Variants in NMT1 observed in about 807,000 individuals in gnomAD.
NMT1 encodes the protein glycylpeptide N-tetradecanoyltransferase 1.
A neutral mutation model predicts 63.4 loss-of-function variants in NMT1; 12 were observed. That is an observed-to-expected ratio of 0.19 (90% CI 0.12 to 0.31). The LOEUF (loss-of-function observed/expected upper bound fraction) is 0.31, where lower values mean the gene tolerates loss of function less well. Ranked by LOEUF, NMT1 falls within the 10% of genes least tolerant of loss-of-function variation. NMT1 has a pLI of 1.00. For missense variants in NMT1, 432 were observed against 634.6 expected (o/e 0.68, Z 3.43); for synonymous variants, 228 against 234.3 (o/e 0.97, Z 0.25).
At position 45,065,879 on chromosome 17, in the gene NMT1, C is replaced by CT. The variant is rs34320617; in HGVS notation, c.131+4432dup. 2.8e-3 allele frequency among the ~76,000 whole-genome samples: 388 copies of CT among 139,950 alleles called. 5 individuals carry two copies. In the South Asian group the frequency reaches 0.034, roughly 12 times the overall value. 91.8% of individuals were successfully genotyped at this position (139,950 alleles called of 152,430 possible). ...CGAGCTAACCCTTATTCTCCTGGGC[C>CT]TTTTTTTTTTTTTAAAGAGACTGTG... On this transcript the variant is annotated intron_variant, in intron 1 of 11. Transcript: ENST00000258960.
At position 45,063,956 on chromosome 17, in the gene NMT1, G is replaced by A. The variant is rs1267693446; in HGVS notation, c.131+2496G>A. Among the ~76,000 whole-genome samples, 5 of 152,098 alleles carry A rather than the reference G, an allele frequency of 3.3e-5. No individual in the cohort carries two copies. The East Asian group carries it at 9.7e-4, about 29-fold the overall frequency. ...AATCCCATCACTCTGGGAGGCCGAG[G>A]CGGGTGGATCACGAGGTCAAGAGAT... On this transcript the variant is annotated intron_variant, in intron 1 of 11. Coordinates refer to ENST00000258960, the MANE Select transcript of NMT1 (RefSeq NM_021079.5).
At chr17:45,069,703 G>A (rs1290205136) in intron 1 of NMT1, among the ~76,000 whole-genome samples, 1 of 152,082 alleles carries the variant, frequency 6.6e-6, no homozygotes, top group Non-Finnish European at 1.5e-5. Flanking sequence ...GCTGAATTGA[G>A]TTCTGCATCT....
intron 1 of NMT1, among the ~76,000 whole-genome samples, chr17:45,065,573 G>A (rs2053896735): frequency 6.9e-6 from 1 of 144,362 alleles, no homozygotes; most frequent in Non-Finnish European, 1.5e-5. Context: ...GCAGTGAGCC[G>A]AGATTGCGCC....
chr17:45,088,766 A>T (rs989601108), intron 3 of NMT1, among the ~76,000 whole-genome samples: 26 of 124,252 alleles, frequency 2.1e-4, no homozygotes, highest in East Asian at 1.8e-3. Flanking sequence ...AAATGAATTT[A>T]AAAAAAAAAA....
intron 4 of NMT1, among the ~76,000 whole-genome samples, chr17:45,095,966 T>C (rs1440790559): frequency 6.6e-6 from 1 of 152,140 alleles, no homozygotes; most frequent in Non-Finnish European, 1.5e-5. Context: ...GTTAGTTAGG[T>C]GGCATTCTCG....
intron 8 of NMT1, among the ~76,000 whole-genome samples, chr17:45,100,375 G>A (rs1188783567): frequency 2.0e-5 from 3 of 151,812 alleles, no homozygotes; most frequent in Non-Finnish European, 2.9e-5. Flanking sequence ...GACCATCCTG[G>A]CTAACACGGT....
Position 45,108,774 on chromosome 17 carries a change from C to T in NMT1, c.*3135C>T, listed in dbSNP as rs566620609. On this transcript the variant is annotated 3_prime_UTR_variant, in exon 12 of 12. Coordinates refer to ENST00000258960, the MANE Select transcript of NMT1 (RefSeq NM_021079.5). ...GCAAAATGAAGGCGGGCCTGCAAGC[C>T]GACTACACCTACGGAGGCTGTTGAG... 2.0e-4 allele frequency: 30 copies of T among 152,280 alleles called. No individual in the cohort carries two copies. Among genetic ancestry groups the T allele is most frequent in the South Asian group, 4.1e-4 (2 of 4,822 alleles). The allele number at this position is 152,280 out of a possible 1,614,324, so 9.4% of individuals were successfully genotyped here. A position where few individuals can be genotyped will look rare whatever the true frequency, so the allele number is the denominator to read the frequency against.
rs2054210250 is a variant in NMT1 at position 45,107,501 on chromosome 17, C to T, written c.*1862C>T. On this transcript the variant is annotated 3_prime_UTR_variant, in exon 12 of 12. Transcript: ENST00000258960. ...TTCTTAGCAAGATGCGCACTGCATT[C>T]CACAGGTGGGAGGAGTCGGAGAGGC... 1 of 152,644 alleles carries T rather than the reference C, an allele frequency of 6.6e-6. No homozygotes were observed. The highest frequency in any genetic ancestry group is 6.5e-5 in the Admixed American group (1 of 15,282). 9.5% of individuals were successfully genotyped at this position (152,644 alleles called of 1,614,324 possible). A position where few individuals can be genotyped will look rare whatever the true frequency, so the allele number is the denominator to read the frequency against.
chr17:45,075,913 T>TA (rs1238865744), intron 1 of NMT1, among the ~76,000 whole-genome samples: 3 of 151,938 alleles, frequency 2.0e-5, no homozygotes, highest in African/African-American at 7.3e-5. Context: ...CTACTAAAAA[T>TA]ACACAGATTA....
chr17:45,083,029 T>G (rs1328878462), intron 2 of NMT1, among the ~76,000 whole-genome samples: 1 of 122,432 alleles, frequency 8.2e-6, no homozygotes, highest in African/African-American at 3.2e-5. Flanking sequence ...AAAATAAAAA[T>G]TAAGTGGCCA....
chr17:45,086,693 G>A, intron 3 of NMT1, 41 bp downstream of exon 3: 1 of 1,571,672 alleles, frequency 6.4e-7, no homozygotes. Context: ...CAGGGGCGAG[G>A]GATCTGCCTC....
At chr17:45,080,250 T>G (rs1413536904) in intron 1 of NMT1, among the ~76,000 whole-genome samples, 2 of 151,864 alleles carry the variant, frequency 1.3e-5, no homozygotes, top group Admixed American at 1.3e-4. Flanking sequence ...AACCTCTGCC[T>G]CCTGGGTTCA....
rs913623487 is a variant in NMT1 at position 45,105,283 on chromosome 17, T to C, written c.1470+287T>C. On this transcript the variant is annotated intron_variant, in intron 11 of 11. Coordinates refer to ENST00000258960, the MANE Select transcript of NMT1 (RefSeq NM_021079.5). This position sits in a 1 kb window ranked among gnomAD's most constrained non-coding sequence, Gnocchi z 4.2. ...ACCGTGGAAGTTGAGTTGCCCACGG[T>C]TTGCCAGGAGGGTAGGGCTGGGGGA... 6.6e-6 allele frequency among the ~76,000 whole-genome samples: 1 copy of C among 152,160 alleles called. No individual in the cohort carries two copies. The highest frequency in any genetic ancestry group is 2.4e-5 in the African/African-American group (1 of 41,444).
intron 1 of NMT1, among the ~76,000 whole-genome samples, chr17:45,075,798 G>A (rs1333779810): frequency 2.0e-5 from 3 of 152,188 alleles, no homozygotes; most frequent in African/African-American, 4.8e-5. Flanking sequence ...GGCCAGGCAC[G>A]GTGGCTTACG....
intron 3 of NMT1, among the ~76,000 whole-genome samples, chr17:45,089,121 C>T (rs994858628): frequency 6.6e-5 from 10 of 152,144 alleles, no homozygotes; most frequent in African/African-American, 2.2e-4. Flanking sequence ...CCTTGGCAGG[C>T]GTGTTAGCCT....
rs1433862222 is a variant in NMT1, at chr17:45,108,563, C to T, written c.*2924C>T. The T allele has an allele frequency of 6.5e-6, 1 of 152,706 alleles. No homozygotes were observed. Among genetic ancestry groups the T allele is most frequent in the Non-Finnish European group, 1.5e-5 (1 of 68,110 alleles). The allele number at this position is 152,706 out of a possible 1,614,324, so 9.5% of individuals were successfully genotyped here. On this transcript the variant is annotated 3_prime_UTR_variant, in exon 12 of 12. Coordinates refer to ENST00000258960, the MANE Select transcript of NMT1 (RefSeq NM_021079.5). ...CCAGCATTTAACCAACCTAAGGGCC[C>T]AAAGGCCTTGGACAACTGCATGGAG...
intron 1 of NMT1, among the ~76,000 whole-genome samples, chr17:45,070,192 G>T (rs1051393144): frequency 2.6e-5 from 4 of 152,084 alleles, no homozygotes; most frequent in African/African-American, 9.7e-5. Context: ...AGCAAAAGTG[G>T]TCTTTTGTAA....
chr17:45,081,640 A>G lies in NMT1; in HGVS notation c.132-4A>G. 1.2e-6 allele frequency: 2 copies of G among 1,607,062 alleles called. No individual in the cohort carries two copies. Among genetic ancestry groups the G allele is most frequent in the Non-Finnish European group, 1.7e-6 (2 of 1,177,746 alleles). On this transcript the variant is annotated splice_polypyrimidine_tract_variant and splice_region_variant and intron_variant, in intron 1 of 11. Coordinates refer to ENST00000258960, the MANE Select transcript of NMT1 (RefSeq NM_021079.5). ...CCTGCATTAGTATTTACTTTTTGTT[A>G]CAGTGGTTTGAGTCCAGCCAATGAC...
chr17:45,095,707 G>A (rs2054120881), intron 4 of NMT1, among the ~76,000 whole-genome samples: 1 of 152,164 alleles, frequency 6.6e-6, no homozygotes, highest in Non-Finnish European at 1.5e-5. Flanking sequence ...AGGAGTTGGA[G>A]GCTGCAGTGA....
Sources: gnomAD v4.1 joint callset for allele counts (sites outside exome capture counted in the v4.1 genomes callset) on GRCh38, gnomAD v4.1.1 for gene constraint, Gnocchi (gnomAD v3.1) non-coding constraint, MANE v1.5 for transcripts, NCBI Gene and HGNC (gene_info 2026-07-23, HGNC 2026-07-21) for gene names.